FANCA: variants seen among roughly 807,000 people sequenced by gnomAD.
The protein encoded by FANCA is FA complementation group A, also known as Fanconi anemia group A protein.
Under a neutral mutation model 194.3 loss-of-function variants are expected in FANCA, and 236 were observed. The ratio of observed to expected loss-of-function variants is 1.21; its 90% confidence interval spans 1.09 to 1.35. The LOEUF is 1.35. Ranked by LOEUF, FANCA falls within the 40% of genes most tolerant of loss-of-function variation. The probability of loss-of-function intolerance (pLI) is 0.00; values close to 1 mark genes in which losing one functional copy is unlikely to be tolerated. For synonymous variants in FANCA, 1,014 were observed against 715.8 expected, an observed-to-expected ratio of 1.42 and a Z score of -6.65; for missense variants, 2,628 against 1,813.9, an observed-to-expected ratio of 1.45 and a Z score of -8.15.
intron 20 of FANCA, among the ~76,000 whole-genome samples, chr16:89,777,004 G>A (rs2039528818): frequency 6.6e-6 from 1 of 152,078 alleles, no homozygotes; most frequent in Admixed American, 6.6e-5. Context: ...TTGAGGCCAA[G>A]AGAGAGAGAA....
At chr16:89,771,890 C>A in intron 22 of FANCA, 76 bp from the exon 23 acceptor site, 1 of 1,553,038 alleles carries the variant, frequency 6.4e-7, no homozygotes, top group Non-Finnish European at 8.8e-7. Flanking sequence ...GAGAGCTCCG[C>A]CTCCCGTCAA....
chr16:89,799,743 C>T (rs1324096146), intron 8 of FANCA, 105 bp from the exon 9 acceptor site: 6 of 1,032,328 alleles, frequency 5.8e-6, no homozygotes, highest in South Asian at 1.3e-5. Context: ...AGTAAAGAAA[C>T]GGCACTTCAG....
intron 30 of FANCA, among the ~76,000 whole-genome samples, chr16:89,757,451 G>C (rs745806648): frequency 1.3e-5 from 2 of 152,168 alleles, no homozygotes; most frequent in Non-Finnish European, 2.9e-5. Flanking sequence ...ACACAGATGA[G>C]CCTCAGAAAC....
At chr16:89,810,830 A>G (rs896066158) in intron 4 of FANCA, 28 bp from the exon 5 acceptor site, 2 of 1,612,922 alleles carry the variant, frequency 1.2e-6, no homozygotes, top group African/African-American at 2.7e-5. Flanking sequence ...ATTTTTTAAA[A>G]AACAAATTAC....
At chr16:89,768,351 A>G (rs17233106) in intron 26 of FANCA, among the ~76,000 whole-genome samples, 1,631 of 152,342 alleles carry the variant, frequency 0.011, 28 homozygotes, top group African/African-American at 0.037. Context: ...GTGTTCTTAC[A>G]GTTCTAATAC....
chr16:89,744,622 G>C (rs2062203109), intron 36 of FANCA: 2 of 372,208 alleles, frequency 5.4e-6, no homozygotes, highest in Admixed American at 3.8e-5. Context: ...ACGGGAGCCT[G>C]GGAGAGGCCG....
rs772736966 is a variant in FANCA, at chr16:89,738,568, G to T, written c.*33C>A. The T allele has an allele frequency of 6.2e-7, 1 of 1,612,666 alleles. No homozygotes were observed. The highest frequency in any genetic ancestry group is 1.3e-5 in the African/African-American group (1 of 74,892). ...TATGCTTGTAATAAATTATTTACAC[G>T]GGAGCTGGGCTGGTGTGCAGTGGCA... On this transcript the variant is annotated 3_prime_UTR_variant, in exon 43 of 43. Coordinates refer to ENST00000389301, the MANE Select transcript of FANCA (RefSeq NM_000135.4).
chr16:89,763,966 G>C (rs2039040798), intron 28 of FANCA, among the ~76,000 whole-genome samples: 1 of 151,782 alleles, frequency 6.6e-6, no homozygotes, highest in Non-Finnish European at 1.5e-5. Context: ...AAGTTCTCGG[G>C]CGCAATGGCT....
rs1183051961 is a variant in FANCA, at chr16:89,745,088, A to G, written c.3514-17T>C. On this transcript the variant is annotated splice_polypyrimidine_tract_variant and intron_variant, in intron 35 of 42. Transcript: ENST00000389301. ...CCACCACACCTATGGAGAGAGCACC[A>G]GCACACAGATGAGGGTGGCTGAGAT... 11 of 1,582,690 alleles carry G rather than the reference A, an allele frequency of 7.0e-6. No homozygotes were observed. In the African/African-American group the frequency reaches 9.4e-5, roughly 14 times the overall value.
rs2040371931 is a variant in FANCA at position 89,799,637 on chromosome 16, A to G, written c.794T>C (p.Val265Ala). ...RTVEPEKMPQ[V>A]TVDVLQRMLI... Reference sequence around the variant, plus strand: ...CATTCTCTGCAGTACATCAACCGTGACCTGTCAAAATAGAATGTGAGTTAC... The same window carrying G: ...CATTCTCTGCAGTACATCAACCGTGGCCTGTCAAAATAGAATGTGAGTTAC... The change falls in exon 9 of 43, where the codon GTC becomes GCC. Residue 265 changes from valine (V) to alanine (A), a missense_variant and splice_region_variant. Transcript: ENST00000389301. 6.2e-7 allele frequency: 1 copy of G among 1,611,736 alleles called. No homozygotes were observed. The highest frequency in any genetic ancestry group is 1.7e-5 in the Admixed American group (1 of 59,986).
chr16:89,743,952 C>T (rs1216377348), intron 36 of FANCA, among the ~76,000 whole-genome samples: 1 of 152,130 alleles, frequency 6.6e-6, no homozygotes, highest in Non-Finnish European at 1.5e-5. Context: ...TGCTGGACTA[C>T]AATGGCATGA....
At chr16:89,804,342 G>C (rs2040559268) in intron 7 of FANCA, among the ~76,000 whole-genome samples, 1 of 152,138 alleles carries the variant, frequency 6.6e-6, no homozygotes. Flanking sequence ...ACTCACCAAG[G>C]AAAAGAGTCT....
intron 10 of FANCA, among the ~76,000 whole-genome samples, chr16:89,796,912 A>T (rs989327426): frequency 2.0e-5 from 3 of 152,166 alleles, no homozygotes; most frequent in Non-Finnish European, 2.9e-5. Context: ...TAATCCCAGC[A>T]CTTTGGGAGG....
intron 21 of FANCA, 64 bp from the exon 22 acceptor site, chr16:89,773,448 G>A: frequency 8.7e-7 from 1 of 1,152,114 alleles, no homozygotes; most frequent in Non-Finnish European, 1.3e-6. Flanking sequence ...TGCAAAAATA[G>A]AAACTTCACA....
At chr16:89,813,889 C>A (rs554179480) in intron 3 of FANCA, among the ~76,000 whole-genome samples, 1 of 151,774 alleles carries the variant, frequency 6.6e-6, no homozygotes, top group Non-Finnish European at 1.5e-5. Flanking sequence ...AAAACAAACT[C>A]AAAAATTAAT....
intron 5 of FANCA, among the ~76,000 whole-genome samples, chr16:89,809,678 C>T (rs901470876): frequency 1.1e-4 from 16 of 151,910 alleles, no homozygotes; most frequent in Admixed American, 2.0e-4. Context: ...GGAGAAACCC[C>T]GTCTCTACTA....
chr16:89,757,595 G>T (rs1817398913), intron 30 of FANCA, among the ~76,000 whole-genome samples: 1 of 152,188 alleles, frequency 6.6e-6, no homozygotes, highest in East Asian at 1.9e-4. Context: ...GACATGGGGG[G>T]AAGCTGCATA....
intron 3 of FANCA, 35 bp from the exon 4 acceptor site, chr16:89,811,106 A>T (rs772275615): frequency 6.2e-7 from 1 of 1,613,122 alleles, no homozygotes; most frequent in Non-Finnish European, 8.5e-7. Flanking sequence ...CTTTCTCTTA[A>T]CACATGAGAC....
At position 89,738,927 on chromosome 16, in the gene FANCA, C is replaced by G. The variant is rs769835904; in HGVS notation, c.4215G>C (p.Gln1405His). The G allele has an allele frequency of 1.9e-6, 3 of 1,614,278 alleles. No individual in the cohort carries two copies. Among genetic ancestry groups the G allele is most frequent in the Non-Finnish European group, 2.5e-6 (3 of 1,180,056 alleles). ...TCTTTTTCGGGCACCGAGGTATTAA[C>G]TGCAGCAGAAAAAGACGAGCTTTTG... ...LITKARLFLL[Q>H]LIPRCPKKSF... is the part of the protein sequence containing the mutation. The change falls in exon 42 of 43, where the codon CAG becomes CAC. Residue 1405 changes from glutamine to histidine, a missense_variant. Transcript: ENST00000389301.
Sources: allele counts gnomAD v4.1 joint callset (sites outside exome capture counted in the v4.1 genomes callset), GRCh38; gene constraint gnomAD v4.1.1; transcripts MANE v1.5; gene names NCBI Gene and HGNC (gene_info 2026-07-23, HGNC 2026-07-21).